Variants in NELL2 observed in about 807,000 individuals in gnomAD.
The protein encoded by NELL2 is protein kinase C-binding protein NELL2.
Under a neutral mutation model 109.6 loss-of-function variants are expected in NELL2, and 41 were observed. That is an observed-to-expected ratio of 0.37 (90% confidence interval 0.29 to 0.49). The LOEUF (loss-of-function observed/expected upper bound fraction) is 0.49, where lower values mean the gene tolerates loss of function less well. Ranked by LOEUF, NELL2 falls within the 20% of genes least tolerant of loss-of-function variation. NELL2 has a pLI of 0.98. For synonymous variants in NELL2, 355 were observed against 344.7 expected, an observed-to-expected ratio of 1.03 and a Z score of -0.33; for missense variants, 900 against 1,008.3, an observed-to-expected ratio of 0.89 and a Z score of 1.45.
At chr12:44,614,452 G>A (rs951338405) in intron 13 of NELL2, among the ~76,000 whole-genome samples, 3 of 152,064 alleles carry the variant, frequency 2.0e-5, no homozygotes, top group East Asian at 1.9e-4. Flanking sequence ...ATTTTTCCCT[G>A]TGTGTCATAA....
At chr12:44,548,626 T>C (rs1942903603) in intron 15 of NELL2, among the ~76,000 whole-genome samples, 1 of 152,056 alleles carries the variant, frequency 6.6e-6, no homozygotes, top group Admixed American at 6.6e-5. Flanking sequence ...CTACCGTTTT[T>C]TTTGGTTGTT....
chr12:44,818,936 G>A (rs1349460521), intron 2 of NELL2, among the ~76,000 whole-genome samples: 3 of 150,974 alleles, frequency 2.0e-5, no homozygotes, highest in East Asian at 1.9e-4. Context: ...TAGAGACGGG[G>A]TTTCACCTTG....
intron 15 of NELL2, among the ~76,000 whole-genome samples, chr12:44,585,190 C>A (rs1470427906): frequency 6.6e-6 from 1 of 152,176 alleles, no homozygotes; most frequent in Non-Finnish European, 1.5e-5. Context: ...TGCAATTTTA[C>A]TTCTAGGAAA....
chr12:44,806,047 A>G (rs1942987490), intron 3 of NELL2, among the ~76,000 whole-genome samples: 1 of 151,964 alleles, frequency 6.6e-6, no homozygotes, highest in East Asian at 1.9e-4. Context: ...TGTCATTAAC[A>G]TAATCCCACC....
At chr12:44,831,017 C>T (rs1396669237) in intron 2 of NELL2, among the ~76,000 whole-genome samples, 1 of 152,040 alleles carries the variant, frequency 6.6e-6, no homozygotes, top group Non-Finnish European at 1.5e-5. Context: ...CCATTTACCA[C>T]ATTGGACACC....
intron 15 of NELL2, among the ~76,000 whole-genome samples, chr12:44,562,491 G>C (rs4600279): frequency 0.85 from 128,751 of 152,234 alleles, 54,801 homozygotes; most frequent in East Asian, 1. Context: ...ACAACCCCAT[G>C]AAAAAGTGGG....
At chr12:44,753,053 C>G (rs1415758265) in intron 9 of NELL2, among the ~76,000 whole-genome samples, 1 of 152,138 alleles carries the variant, frequency 6.6e-6, no homozygotes. Context: ...GTTCATTGAA[C>G]ACAGAATCAA....
At chr12:44,682,009 A>C (rs531725279) in intron 12 of NELL2, among the ~76,000 whole-genome samples, 1 of 151,680 alleles carries the variant, frequency 6.6e-6, no homozygotes, top group Non-Finnish European at 1.5e-5. Flanking sequence ...TTCCACAATG[A>C]TTGAACTAGT....
At chr12:44,638,183 C>G (rs1343893631) in intron 13 of NELL2, among the ~76,000 whole-genome samples, 1 of 152,080 alleles carries the variant, frequency 6.6e-6, no homozygotes, top group Non-Finnish European at 1.5e-5. Flanking sequence ...TTCCTCTAGT[C>G]TTTCTTAACT....
chr12:44,806,261 C>T (rs925441265), intron 3 of NELL2, among the ~76,000 whole-genome samples: 2 of 151,692 alleles, frequency 1.3e-5, no homozygotes, highest in Admixed American at 1.3e-4. Flanking sequence ...ATATGCATGG[C>T]CAATAAGCAT....
chr12:44,745,613 C>T (rs990236171), intron 9 of NELL2, among the ~76,000 whole-genome samples: 2 of 152,116 alleles, frequency 1.3e-5, no homozygotes, highest in African/African-American at 2.4e-5. Flanking sequence ...TCTCAGGATA[C>T]AAAATCAATG....
rs570534981 is a variant in NELL2, at chr12:44,611,980, T to C, written c.1445-1010A>G. 1.1e-4 allele frequency among the ~76,000 whole-genome samples: 16 copies of C among 152,168 alleles called. No homozygotes were observed. The East Asian group carries it at 2.9e-3, about 28-fold the overall frequency. Reference sequence around the variant, plus strand: ...TACTCAGTCTCTTACATGAATATTATTCAGGCCTAAAACAAAATATACATT... The same window carrying C: ...TACTCAGTCTCTTACATGAATATTACTCAGGCCTAAAACAAAATATACATT... On this transcript the variant is annotated intron_variant, in intron 13 of 19. Coordinates refer to ENST00000429094, the MANE Select transcript of NELL2 (RefSeq NM_001145108.2).
intron 3 of NELL2, among the ~76,000 whole-genome samples, chr12:44,806,571 A>G (rs1943007950): frequency 6.6e-6 from 1 of 151,812 alleles, no homozygotes; most frequent in Non-Finnish European, 1.5e-5. Context: ...AGAAGTACAT[A>G]CACACAGTGC....
intron 12 of NELL2, among the ~76,000 whole-genome samples, chr12:44,691,254 C>T (rs552797084): frequency 1.3e-5 from 2 of 152,230 alleles, no homozygotes; most frequent in Admixed American, 6.5e-5. Flanking sequence ...CTCCATGTCA[C>T]GTTTTGGAAA....
chr12:44,761,695 C>T (rs1327193836), intron 9 of NELL2, among the ~76,000 whole-genome samples: 1 of 152,146 alleles, frequency 6.6e-6, no homozygotes, highest in Non-Finnish European at 1.5e-5. Context: ...TACTACACAA[C>T]TGTAAAAAAG....
At chr12:44,678,484 C>G (rs1592317883) in intron 12 of NELL2, among the ~76,000 whole-genome samples, 1 of 152,064 alleles carries the variant, frequency 6.6e-6, no homozygotes, top group Admixed American at 6.6e-5. Context: ...ACGTTCACAA[C>G]ATTTATGTGA....
chr12:44,650,299 A>ATT (rs10572082), intron 13 of NELL2, among the ~76,000 whole-genome samples: 1 of 143,012 alleles, frequency 7.0e-6, no homozygotes, highest in Non-Finnish European at 1.5e-5. Context: ...CCACCCCCCA[A>ATT]TTTTTTTTTT....
chr12:44,814,948 T>C (rs967111303), intron 3 of NELL2, among the ~76,000 whole-genome samples: 5 of 152,312 alleles, frequency 3.3e-5, no homozygotes, highest in Admixed American at 3.3e-4. Flanking sequence ...GCATTTTATA[T>C]GTATAAATTC....
At chr12:44,861,914 C>G (rs774988927) in intron 2 of NELL2, among the ~76,000 whole-genome samples, 1 of 152,186 alleles carries the variant, frequency 6.6e-6, no homozygotes, top group African/African-American at 2.4e-5. Flanking sequence ...TAGAATAAGT[C>G]CCTACTCCTT....
Sources: allele counts gnomAD v4.1 joint callset (sites outside exome capture counted in the v4.1 genomes callset), GRCh38; gene constraint gnomAD v4.1.1; transcripts MANE v1.5; gene names NCBI Gene and HGNC (gene_info 2026-07-23, HGNC 2026-07-21).